The following FBXL13 variants were observed in gnomAD, a reference collection of about 807,000 sequenced individuals.
FBXL13 encodes F-box and leucine rich repeat protein 13.
FBXL13 carries 67 observed loss-of-function variants against 83.6 expected under a neutral mutation model. The ratio of observed to expected loss-of-function variants is 0.80; its 90% CI spans 0.66 to 0.98. The LOEUF is 0.98. Ranked by LOEUF, FBXL13 falls within the 50% of genes least tolerant of loss-of-function variation. The pLI is 0.00. For synonymous variants in FBXL13, 272 were observed against 299.5 expected, an observed-to-expected ratio of 0.91 and a Z score of 0.95; for missense variants, 822 against 866.5, an observed-to-expected ratio of 0.95 and a Z score of 0.64.
At chr7:102,829,723 G>A (rs2129447005) in intron 18 of FBXL13, among the ~76,000 whole-genome samples, 1 of 152,280 alleles carries the variant, frequency 6.6e-6, no homozygotes, top group Non-Finnish European at 1.5e-5. Context: ...TGAGGTGGTT[G>A]CAAGGAAAAG....
chr7:103,043,947 C>G (rs940781859), intron 2 of FBXL13, among the ~76,000 whole-genome samples: 1 of 152,158 alleles, frequency 6.6e-6, no homozygotes, highest in African/African-American at 2.4e-5. Flanking sequence ...ACAATTAATA[C>G]AGAATGATAT....
intron 10 of FBXL13, among the ~76,000 whole-genome samples, chr7:102,915,752 A>ATT (rs1815728238): frequency 6.6e-6 from 1 of 152,206 alleles, no homozygotes; most frequent in South Asian, 2.1e-4. Flanking sequence ...TATGAGTAGA[A>ATT]TAGTAATATA....
intron 2 of FBXL13, among the ~76,000 whole-genome samples, chr7:103,048,009 G>C (rs1021728040): frequency 2.2e-4 from 34 of 152,116 alleles, no homozygotes; most frequent in African/African-American, 8.2e-4. Context: ...TACAATTTTA[G>C]AACATACATT....
chr7:102,908,917 T>C (rs1338810838), intron 11 of FBXL13, among the ~76,000 whole-genome samples: 2 of 152,236 alleles, frequency 1.3e-5, no homozygotes, highest in Non-Finnish European at 2.9e-5. Flanking sequence ...CATTGTTCAC[T>C]CAAGGCCCTG....
chr7:103,028,076 G>A (rs1563241768), intron 4 of FBXL13, among the ~76,000 whole-genome samples: 1 of 152,138 alleles, frequency 6.6e-6, no homozygotes, highest in African/African-American at 2.4e-5. Flanking sequence ...TATCAGGAGA[G>A]TTGCAAAAAA....
At chr7:103,009,772 C>G (rs969682207) in intron 6 of FBXL13, among the ~76,000 whole-genome samples, 5 of 152,160 alleles carry the variant, frequency 3.3e-5, no homozygotes, top group African/African-American at 1.2e-4. Context: ...ATGAGCCAGC[C>G]AGCCAGCCAC....
intron 2 of FBXL13, among the ~76,000 whole-genome samples, chr7:103,033,579 G>T (rs1019895018): frequency 6.6e-6 from 1 of 152,138 alleles, no homozygotes; most frequent in African/African-American, 2.4e-5. Flanking sequence ...CCCGATGAGT[G>T]TTATAGCTCT....
At chr7:102,838,148 T>G (rs1347640443) in intron 17 of FBXL13, among the ~76,000 whole-genome samples, 2 of 152,212 alleles carry the variant, frequency 1.3e-5, no homozygotes, top group Non-Finnish European at 2.9e-5. Context: ...GGGGGCCCAC[T>G]GGCTTGAGTT....
At chr7:102,963,600 C>G (rs1825621401) in exon 8 of FBXL13, 2 of 1,612,730 alleles carry the variant, frequency 1.2e-6, no homozygotes, top group African/African-American at 2.7e-5. Context: ...CATTTAAACG[C>G]CACCTTTGCA....
At chr7:102,828,848 G>A (rs1331087198) in intron 18 of FBXL13, among the ~76,000 whole-genome samples, 1 of 152,180 alleles carries the variant, frequency 6.6e-6, no homozygotes, top group Non-Finnish European at 1.5e-5. Context: ...AGAGCAGCCA[G>A]GCTTTGTGAC....
At chr7:102,930,005 G>A (rs1818883203) in intron 9 of FBXL13, among the ~76,000 whole-genome samples, 1 of 152,098 alleles carries the variant, frequency 6.6e-6, no homozygotes, top group Admixed American at 6.6e-5. Context: ...ATGAACAGGT[G>A]TTAGCCAGTT....
intron 16 of FBXL13, among the ~76,000 whole-genome samples, chr7:102,866,486 T>C (rs773664195): frequency 6.6e-6 from 1 of 152,166 alleles, no homozygotes; most frequent in Non-Finnish European, 1.5e-5. Context: ...GGCAGACTTC[T>C]TGTTATGTGC....
chr7:102,862,351 G>T (rs1252938132), intron 16 of FBXL13, among the ~76,000 whole-genome samples: 1 of 149,160 alleles, frequency 6.7e-6, no homozygotes, highest in Admixed American at 6.7e-5. Flanking sequence ...AAAAAGAAAA[G>T]AAATGGACGT....
chr7:102,825,308 C>T (rs1799435726), intron 18 of FBXL13, among the ~76,000 whole-genome samples: 1 of 152,122 alleles, frequency 6.6e-6, no homozygotes, highest in Admixed American at 6.5e-5. Flanking sequence ...GTGGATTAAC[C>T]TGTTATCATG....
chr7:103,024,135 A>AAGAG (rs59206823), intron 6 of FBXL13, among the ~76,000 whole-genome samples: 5,292 of 96,114 alleles, frequency 0.055, 287 homozygotes, highest in Non-Finnish European at 0.084. Flanking sequence ...AAAAGTTAAA[A>AAGAG]AGAGAGAGAG....
chr7:102,886,098 C>T lies in FBXL13; in HGVS notation c.1009-1786G>A, dbSNP rs11768455. Reference sequence around the variant, plus strand: ...GGAAAGACCAGTGGCAGAGAGTGTCCGAAATAATGACTGATTCAAAGATCA... The same window carrying T: ...GGAAAGACCAGTGGCAGAGAGTGTCTGAAATAATGACTGATTCAAAGATCA... On this transcript the variant is annotated intron_variant, in intron 11 of 19. Coordinates refer to ENST00000313221, the Ensembl canonical transcript of FBXL13. Among the ~76,000 whole-genome samples, 318 of 152,082 alleles carry T rather than the reference C, an allele frequency of 2.1e-3. 2 individuals carry two copies. Among genetic ancestry groups the T allele is most frequent in the African/African-American group, 6.9e-3 (285 of 41,472 alleles).
At chr7:102,924,095 G>A (rs566105131) in intron 10 of FBXL13, among the ~76,000 whole-genome samples, 4 of 151,766 alleles carry the variant, frequency 2.6e-5, no homozygotes, top group African/African-American at 9.7e-5. Context: ...AAAATTAGCC[G>A]GGTGTGGTGG....
At chr7:102,980,560 G>A (rs560018890) in intron 6 of FBXL13, among the ~76,000 whole-genome samples, 6 of 152,262 alleles carry the variant, frequency 3.9e-5, no homozygotes, top group East Asian at 1.9e-4. Flanking sequence ...GGCGAATCAC[G>A]AGGTCAGGAG....
rs555969521 is a variant in FBXL13 at position 103,011,237 on chromosome 7, G to C, written c.495+13826C>G. On this transcript the variant is annotated intron_variant, in intron 6 of 19. Transcript: ENST00000313221. ...AGATGTAGAATAAAGAATAAGGATAGGAATGAAGATCATCAATATACCGGA... is the reference window on the plus strand; with the variant it reads ...AGATGTAGAATAAAGAATAAGGATACGAATGAAGATCATCAATATACCGGA... Among the ~76,000 whole-genome samples the C allele has an allele frequency of 8.9e-4, 135 of 152,286 alleles. 1 individual carries two copies. In the South Asian group the frequency reaches 0.027, roughly 31 times the overall value.
Sources: gnomAD v4.1 joint callset for allele counts (sites outside exome capture counted in the v4.1 genomes callset) on GRCh38, gnomAD v4.1.1 for gene constraint, MANE v1.5 for transcripts, NCBI Gene and HGNC (gene_info 2026-07-23, HGNC 2026-07-21) for gene names.